ESR1: variants seen among roughly 807,000 people sequenced by gnomAD.
The protein encoded by ESR1 is estrogen receptor.
ESR1 carries 12 observed loss-of-function variants against 52.7 expected under a neutral mutation model. The observed-to-expected ratio is 0.23, with a 90% CI of 0.15 to 0.37. The LOEUF is 0.37. Among genes scored for constraint, ESR1 ranks in the 10% least tolerant of loss-of-function variants. ESR1 has a pLI of 1.00. For synonymous variants in ESR1, 305 were observed against 316.8 expected (o/e 0.96, Z 0.39); for missense variants, 584 against 779.7 (o/e 0.75, Z 2.99).
chr6:151,955,059 T>C (rs927781964), intron 4 of ESR1, among the ~76,000 whole-genome samples: 1 of 152,196 alleles, frequency 6.6e-6, no homozygotes, highest in Non-Finnish European at 1.5e-5. Flanking sequence ...AACATATACA[T>C]GTCAAAACAC....
intron 2 of ESR1, among the ~76,000 whole-genome samples, chr6:151,878,296 T>G (rs9478249): frequency 0.42 from 63,560 of 152,004 alleles, 13,596 homozygotes; most frequent in African/African-American, 0.46. Flanking sequence ...ACCCTATTAA[T>G]AAGGACAATT....
chr6:152,113,794 T>C (rs2051175845), intron 6 of ESR1, among the ~76,000 whole-genome samples: 1 of 152,120 alleles, frequency 6.6e-6, no homozygotes, highest in Non-Finnish European at 1.5e-5. Flanking sequence ...TATACATTAA[T>C]GTATTAACGT....
At chr6:151,804,615 T>C (rs1037648880), upstream of ESR1, 1 of 152,240 alleles carries the variant, frequency 6.6e-6, no homozygotes, top group African/African-American at 2.4e-5. Flanking sequence ...AACATATATT[T>C]GCATGATGGC....
At chr6:151,775,938 A>G (rs1259801634) in intron 2 of ESR1, among the ~76,000 whole-genome samples, 2 of 152,146 alleles carry the variant, frequency 1.3e-5, no homozygotes, top group Non-Finnish European at 2.9e-5. Flanking sequence ...AGAGGTGCTG[A>G]ATTTTAGGAT....
intron 2 of ESR1, among the ~76,000 whole-genome samples, chr6:151,853,744 T>TCATCTTCAAG (rs1444967738): frequency 1.3e-5 from 2 of 152,190 alleles, no homozygotes; most frequent in African/African-American, 4.8e-5. Flanking sequence ...GCATTTTTCT[T>TCATCTTCAAG]CATTTTTTGT....
At chr6:151,663,901 C>A (rs1777728395) in intron 1 of ESR1, among the ~76,000 whole-genome samples, 2 of 152,184 alleles carry the variant, frequency 1.3e-5, no homozygotes, top group Non-Finnish European at 2.9e-5. Context: ...TTGAGCATGT[C>A]ATTTTCCTAT....
chr6:152,109,275 C>A (rs1049860109), intron 6 of ESR1, among the ~76,000 whole-genome samples: 5 of 152,160 alleles, frequency 3.3e-5, no homozygotes, highest in Non-Finnish European at 7.3e-5. Flanking sequence ...CAAACTACAT[C>A]ATACGCCTTA....
chr6:152,079,044 T>TG lies in ESR1; in HGVS notation c.1370-15336dup, dbSNP rs542679443. On this transcript the variant is annotated intron_variant, in intron 6 of 7. Transcript: ENST00000206249. ...CTACTGCCTCTCTAGATTCCACCTC[T>TG]GGGGGCAGCACATAGCAGAACAAAA... 1.5e-3 allele frequency among the ~76,000 whole-genome samples: 224 copies of TG among 152,316 alleles called. 2 individuals are homozygous for TG. Among genetic ancestry groups the TG allele is most frequent in the Middle Eastern group, 0.014 (4 of 294 alleles).
At position 151,920,066 on chromosome 6, in the gene ESR1, G is replaced by A. The variant is rs531626933; in HGVS notation, c.761-24107G>A. On this transcript the variant is annotated intron_variant, in intron 3 of 7. Transcript: ENST00000206249. ...GAATCTTTGTAGTTTTTATTTATAG[G>A]CTGGTTCTTCTGACAACTTTAATTT... Among the ~76,000 whole-genome samples, 140 of 152,186 alleles carry A rather than the reference G, an allele frequency of 9.2e-4. 2 individuals carry two copies. The highest frequency in any genetic ancestry group is 2.9e-3 in the African/African-American group (121 of 41,514).
Position 151,715,389 on chromosome 6 carries a change from C to A in ESR1, c.-71+13384C>A, listed in dbSNP as rs550887287. On this transcript the variant is annotated intron_variant, in intron 2 of 2. Transcript: ENST00000404742. ...TGAATTTGAATGTTGGCCTGTCTTG[C>A]TAGGTTGGGGAAGTTCTCCTGGATA... Among the ~76,000 whole-genome samples, 102 of 152,274 alleles carry A rather than the reference C, an allele frequency of 6.7e-4. No individual in the cohort carries two copies. In the South Asian group the frequency reaches 0.016, roughly 24 times the overall value.
chr6:151,685,107 CTTTTTTTTTTTTTTTTTTTT>C lies in ESR1; in HGVS notation n.74-16750_74-16731del, dbSNP rs772122906. Among the ~76,000 whole-genome samples the C allele has an allele frequency of 3.7e-3, 271 of 72,944 alleles. 4 individuals are homozygous for C. Among genetic ancestry groups the C allele is most frequent in the East Asian group, 0.011 (21 of 1,948 alleles). The allele number at this position is 72,944 out of a possible 152,430, so 47.9% of individuals were successfully genotyped here. A position where few individuals can be genotyped will look rare whatever the true frequency, so the allele number is the denominator to read the frequency against. Reference sequence around the variant, plus strand: ...TATCATTTTTGTCTGACACTGGCCTCTTTTTTTTTTTTTTTTTTTTTTTTTTTTTTTTTTTTTGAGACGGA... The same window carrying C: ...TATCATTTTTGTCTGACACTGGCCTCTTTTTTTTTTTTTTTTTGAGACGGA... On this transcript the variant is annotated intron_variant and non_coding_transcript_variant, in intron 1 of 2. Coordinates refer to the ESR1 transcript ENST00000473497.
chr6:152,067,327 C>G (rs761142192), intron 6 of ESR1, among the ~76,000 whole-genome samples: 6 of 152,134 alleles, frequency 3.9e-5, no homozygotes, highest in Non-Finnish European at 7.4e-5. Flanking sequence ...TGAGAAAAGG[C>G]AGCAGGTGTC....
At chr6:152,036,171 C>A (rs2045284864) in intron 5 of ESR1, among the ~76,000 whole-genome samples, 1 of 152,126 alleles carries the variant, frequency 6.6e-6, no homozygotes, top group African/African-American at 2.4e-5. Context: ...ACCAGCCTGG[C>A]CAACATGGCA....
intron 2 of ESR1, among the ~76,000 whole-genome samples, chr6:151,795,298 G>T (rs1407663313): frequency 6.6e-6 from 1 of 151,454 alleles, no homozygotes; most frequent in Non-Finnish European, 1.5e-5. Context: ...ACCAGCCTGG[G>T]CAACATGGCG....
At chr6:152,051,879 G>A (rs1271070378) in intron 5 of ESR1, among the ~76,000 whole-genome samples, 2 of 152,022 alleles carry the variant, frequency 1.3e-5, no homozygotes, top group African/African-American at 2.4e-5. Flanking sequence ...AGCTCCTTTT[G>A]AGAAAGACAC....
intron 5 of ESR1, among the ~76,000 whole-genome samples, chr6:152,055,956 C>T (rs982496309): frequency 2.6e-5 from 4 of 152,208 alleles, no homozygotes; most frequent in African/African-American, 9.6e-5. Context: ...TTAATTGCAA[C>T]TTACAGTACG....
chr6:152,090,834 T>C (rs996407489), intron 6 of ESR1, among the ~76,000 whole-genome samples: 2 of 152,118 alleles, frequency 1.3e-5, no homozygotes, highest in African/African-American at 4.8e-5. Context: ...TCACTCCCCT[T>C]TCGTTTGTAC....
Position 151,707,311 on chromosome 6 carries a change from T to C in ESR1, c.-71+5306T>C, listed in dbSNP as rs144368608. ...TCACTAACAATATTTTAGGACATTT[T>C]CTTTTCATCTTTTTCTTAGCAATAT... On this transcript the variant is annotated intron_variant, in intron 2 of 2. Transcript: ENST00000404742. Among the ~76,000 whole-genome samples, 487 of 152,304 alleles carry C rather than the reference T, an allele frequency of 3.2e-3. 3 individuals carry two copies. The highest frequency in any genetic ancestry group is 0.011 in the African/African-American group (461 of 41,564).
chr6:151,763,572 G>C (rs2504072), intron 2 of ESR1, among the ~76,000 whole-genome samples: 114,085 of 152,124 alleles, frequency 0.75, 43,208 homozygotes, highest in East Asian at 0.96. Context: ...GGACGGTGTT[G>C]CCTACTGTGT....
Sources: gnomAD v4.1 joint callset for allele counts (sites outside exome capture counted in the v4.1 genomes callset) on GRCh38, gnomAD v4.1.1 for gene constraint, MANE v1.5 for transcripts, NCBI Gene and HGNC (gene_info 2026-07-23, HGNC 2026-07-21) for gene names.